The following CAMK1D variants were observed in gnomAD, a reference collection of about 807,000 sequenced individuals.
CAMK1D encodes the protein calcium/calmodulin dependent protein kinase ID.
CAMK1D carries 9 observed loss-of-function variants against 47.7 expected under a neutral mutation model. The observed-to-expected ratio is 0.19, with a 90% CI of 0.11 to 0.33. CAMK1D has a LOEUF of 0.33. Among genes scored for constraint, CAMK1D ranks in the 10% least tolerant of loss-of-function variants. CAMK1D has a pLI of 1.00. For missense variants in CAMK1D, 291 were observed against 488.7 expected, an observed-to-expected ratio of 0.60 and a Z score of 3.81; for synonymous variants, 184 against 184.9, an observed-to-expected ratio of 0.99 and a Z score of 0.04.
In CAMK1D at chr10:12,374,256, C is replaced by T. The variant is rs533623241; in HGVS notation, c.92+24346C>T. 2.8e-4 allele frequency among the ~76,000 whole-genome samples: 11 copies of T among 39,418 alleles called. No homozygotes were observed. In the East Asian group the frequency reaches 5.6e-3, roughly 20 times the overall value. The allele number at this position is 39,418 out of a possible 152,430, so 25.9% of individuals were successfully genotyped here. On this transcript the variant is annotated intron_variant, in intron 1 of 10. Transcript: ENST00000619168. ...GCCTTGTGACAGAGCGAGACTCTGT[C>T]TCAAAAAAAAAAAAAAAAAAAAAAG...
intron 1 of CAMK1D, 114 bp downstream of exon 1, chr10:12,350,024 C>T (rs1837301190): frequency 2.4e-6 from 1 of 409,890 alleles, no homozygotes; most frequent in Non-Finnish European, 4.3e-6. Flanking sequence ...GTCACCGCGT[C>T]CTCATTGTCC....
chr10:12,360,939 G>T (rs1837640032), intron 1 of CAMK1D, among the ~76,000 whole-genome samples: 1 of 152,130 alleles, frequency 6.6e-6, no homozygotes, highest in Non-Finnish European at 1.5e-5. Flanking sequence ...GCTTCTTTAG[G>T]TTGGAATAGT....
At chr10:12,804,944 A>AAG (rs1838654440) in intron 6 of CAMK1D, among the ~76,000 whole-genome samples, 1 of 150,046 alleles carries the variant, frequency 6.7e-6, no homozygotes, top group Non-Finnish European at 1.5e-5. Flanking sequence ...TCTCAAAAAA[A>AAG]AAAAAAAAAA....
At chr10:12,788,108 G>T (rs965648323) in intron 5 of CAMK1D, among the ~76,000 whole-genome samples, 32 of 152,146 alleles carry the variant, frequency 2.1e-4, no homozygotes, top group Non-Finnish European at 5.9e-5. Context: ...TTGTCATCCT[G>T]ATATTTACTT....
At chr10:12,466,403 G>C (rs1428471052) in intron 1 of CAMK1D, among the ~76,000 whole-genome samples, 1 of 151,898 alleles carries the variant, frequency 6.6e-6, no homozygotes, top group African/African-American at 2.4e-5. Context: ...GCGAGATTCT[G>C]TCTCAAAACA....
At chr10:12,809,331 C>T (rs746591580) in intron 6 of CAMK1D, among the ~76,000 whole-genome samples, 9 of 151,854 alleles carry the variant, frequency 5.9e-5, no homozygotes, top group Non-Finnish European at 1.3e-4. Flanking sequence ...GGTGTAGACT[C>T]TATGGAAAAC....
chr10:12,663,425 G>A (rs778287824), intron 2 of CAMK1D, among the ~76,000 whole-genome samples: 1 of 152,144 alleles, frequency 6.6e-6, no homozygotes, highest in Non-Finnish European at 1.5e-5. Flanking sequence ...AGACTAAGCA[G>A]AGGCATTATA....
chr10:12,400,353 G>T (rs1263900377), intron 1 of CAMK1D, among the ~76,000 whole-genome samples: 1 of 152,174 alleles, frequency 6.6e-6, no homozygotes, highest in Non-Finnish European at 1.5e-5. Context: ...ACTTCTTGCT[G>T]CGTACCTAAA....
intron 6 of CAMK1D, among the ~76,000 whole-genome samples, 160 bp from the exon 7 acceptor site, chr10:12,814,035 C>T (rs1383343149): frequency 3.3e-5 from 5 of 151,700 alleles, no homozygotes; most frequent in Non-Finnish European, 5.9e-5. Context: ...GTGATCTGCC[C>T]GCCTTGGCCT....
intron 2 of CAMK1D, among the ~76,000 whole-genome samples, chr10:12,643,552 G>A (rs1007080851): frequency 6.6e-6 from 1 of 152,150 alleles, no homozygotes; most frequent in Non-Finnish European, 1.5e-5. Flanking sequence ...GATGAACTGC[G>A]CATGCGAGGG....
In CAMK1D at chr10:12,759,997, A is replaced by G. The variant is rs553858849; in HGVS notation, c.300-951A>G. Among the ~76,000 whole-genome samples, 11 of 152,172 alleles carry G rather than the reference A, an allele frequency of 7.2e-5. No individual in the cohort carries two copies. In the East Asian group the frequency reaches 2.1e-3, roughly 29 times the overall value. On this transcript the variant is annotated intron_variant, in intron 3 of 10. Transcript: ENST00000619168. Reference sequence around the variant, plus strand: ...ATCTGTCTCATCTTGTTTTTGAAAAATGTTTCTTTCTTTTTTTTCAGTAGT... The same window carrying G: ...ATCTGTCTCATCTTGTTTTTGAAAAGTGTTTCTTTCTTTTTTTTCAGTAGT...
intron 2 of CAMK1D, among the ~76,000 whole-genome samples, chr10:12,587,127 CTG>C (rs1837842517): frequency 6.6e-6 from 1 of 152,190 alleles, no homozygotes; most frequent in African/African-American, 2.4e-5. Flanking sequence ...GAAATGATCT[CTG>C]AGTCCCATGC....
At chr10:12,783,490 G>A (rs989766170) in intron 5 of CAMK1D, among the ~76,000 whole-genome samples, 1 of 152,158 alleles carries the variant, frequency 6.6e-6, no homozygotes, top group Non-Finnish European at 1.5e-5. Context: ...TAAGGGCTTC[G>A]CCGTTTCCTC....
At chr10:12,648,597 A>G (rs1213883780) in intron 2 of CAMK1D, among the ~76,000 whole-genome samples, 1 of 152,006 alleles carries the variant, frequency 6.6e-6, no homozygotes, top group African/African-American at 2.4e-5. Context: ...CAGCCTCCCA[A>G]GTAGCTGGGA....
intron 1 of CAMK1D, among the ~76,000 whole-genome samples, chr10:12,361,680 C>A (rs375978753): frequency 2.0e-5 from 3 of 150,858 alleles, no homozygotes; most frequent in South Asian, 2.1e-4. Flanking sequence ...CTCAGCCTCC[C>A]GAGTAGCTGG....
chr10:12,619,630 T>C (rs574820814), intron 2 of CAMK1D, among the ~76,000 whole-genome samples: 2 of 152,320 alleles, frequency 1.3e-5, no homozygotes, highest in African/African-American at 4.8e-5. Context: ...AATTTTAACA[T>C]TTTAATTTCA....
chr10:12,356,483 A>C (rs1410424269), intron 1 of CAMK1D, among the ~76,000 whole-genome samples: 1 of 152,074 alleles, frequency 6.6e-6, no homozygotes, highest in Non-Finnish European at 1.5e-5. Context: ...TCTCAGAGGG[A>C]CTTTGAGGTA....
rs566824106 is a variant in CAMK1D at position 12,613,350 on chromosome 10, GA to G, written c.225-53385del. On this transcript the variant is annotated intron_variant, in intron 2 of 10. Transcript: ENST00000619168. ...AATATCACAGCCTGTGGCATTACAC[GA>G]GACTGTGACAAGCCATTAAGAAAAA... Among the ~76,000 whole-genome samples, 253 of 152,284 alleles carry G rather than the reference GA, an allele frequency of 1.7e-3. 2 individuals are homozygous for G. Among genetic ancestry groups the G allele is most frequent in the African/African-American group, 5.8e-3 (240 of 41,562 alleles).
chr10:12,786,625 C>G (rs1251690898), intron 5 of CAMK1D, among the ~76,000 whole-genome samples: 3 of 152,220 alleles, frequency 2.0e-5, no homozygotes, highest in Non-Finnish European at 1.5e-5. Flanking sequence ...ATGGTGCAGT[C>G]ATAGCTCACT....
Sources: allele counts gnomAD v4.1 joint callset (sites outside exome capture counted in the v4.1 genomes callset), GRCh38; gene constraint gnomAD v4.1.1; transcripts MANE v1.5; gene names NCBI Gene and HGNC (gene_info 2026-07-23, HGNC 2026-07-21).